Variants in PCDH15 observed in about 807,000 individuals in gnomAD.
PCDH15 encodes the protein protocadherin-15.
A neutral mutation model predicts 178.5 loss-of-function variants in PCDH15; 129 were observed. The ratio of observed to expected loss-of-function variants is 0.72; its 90% CI spans 0.63 to 0.84. The LOEUF is 0.84. Ranked by LOEUF, PCDH15 falls within the 40% of genes least tolerant of loss-of-function variation. The pLI is 0.00. For missense variants in PCDH15, 2,230 were observed against 2,099.9 expected, an observed-to-expected ratio of 1.06 and a Z score of -1.21; for synonymous variants, 800 against 732.0, an observed-to-expected ratio of 1.09 and a Z score of -1.50.
chr10:54,236,137 G>GAT (rs1192418348), intron 9 of PCDH15, among the ~76,000 whole-genome samples: 1 of 151,902 alleles, frequency 6.6e-6, no homozygotes, highest in African/African-American at 2.4e-5. Context: ...TCCCTTAAAA[G>GAT]ATATATAGCC....
At chr10:55,214,563 T>A (rs1840653051) in intron 1 of PCDH15, among the ~76,000 whole-genome samples, 1 of 151,984 alleles carries the variant, frequency 6.6e-6, no homozygotes, top group Non-Finnish European at 1.5e-5. Flanking sequence ...ATTCTTTTTT[T>A]TTTGTGGGAT....
chr10:54,695,820 G>C (rs1351612905), intron 1 of PCDH15, among the ~76,000 whole-genome samples: 4 of 151,742 alleles, frequency 2.6e-5, no homozygotes, highest in Non-Finnish European at 5.9e-5. Context: ...AGATAGATAT[G>C]AATATTAATT....
intron 2 of PCDH15, chr10:54,897,602 T>C (rs1360074795): frequency 6.6e-6 from 1 of 152,182 alleles, no homozygotes; most frequent in Non-Finnish European, 1.5e-5. Context: ...AACTACTAAG[T>C]ATTTCTTTAT....
At chr10:53,888,289 T>TATATATATATACAC (rs756987649) in intron 26 of PCDH15, among the ~76,000 whole-genome samples, 1 of 54,612 alleles carries the variant, frequency 1.8e-5, no homozygotes, top group African/African-American at 1.1e-4. Context: ...ACACTATATA[T>TATATATATATACAC]ACATATATAT....
chr10:55,233,164 A>T (rs962362467), intron 1 of PCDH15, among the ~76,000 whole-genome samples: 4 of 152,120 alleles, frequency 2.6e-5, no homozygotes, highest in Non-Finnish European at 5.9e-5. Flanking sequence ...TTAACTAAAA[A>T]TTGTTTTGAC....
At chr10:54,853,312 T>TACATACAC (rs1327737887) in intron 3 of PCDH15, among the ~76,000 whole-genome samples, 1 of 128,332 alleles carries the variant, frequency 7.8e-6, no homozygotes, top group Non-Finnish European at 1.6e-5. Flanking sequence ...TATATATATA[T>TACATACAC]ATATATACAT....
chr10:53,925,975 C>G (rs572755041), intron 25 of PCDH15, among the ~76,000 whole-genome samples: 5 of 152,252 alleles, frequency 3.3e-5, no homozygotes, highest in East Asian at 1.9e-4. Flanking sequence ...CAGTCTTGAA[C>G]ACCTTTGGAA....
chr10:54,757,444 G>A (rs1375032169), intron 1 of PCDH15, among the ~76,000 whole-genome samples: 4 of 88,262 alleles, frequency 4.5e-5, no homozygotes, highest in African/African-American at 2.1e-4. Flanking sequence ...CACCATGCCC[G>A]GCTAATTTTT....
At chr10:54,826,199 T>C (rs1436429396) in intron 3 of PCDH15, among the ~76,000 whole-genome samples, 6 of 152,056 alleles carry the variant, frequency 3.9e-5, no homozygotes, top group Non-Finnish European at 8.8e-5. Flanking sequence ...AAAAGCCTAA[T>C]TTTCTTATGA....
chr10:55,426,350 T>A (rs761961819), intron 2 of PCDH15, among the ~76,000 whole-genome samples: 1 of 152,098 alleles, frequency 6.6e-6, no homozygotes, highest in Non-Finnish European at 1.5e-5. Flanking sequence ...ATCTGGCTGC[T>A]CTGGTGCCGG....
chr10:53,888,416 C>G (rs2081303821), intron 26 of PCDH15, among the ~76,000 whole-genome samples: 1 of 139,260 alleles, frequency 7.2e-6, no homozygotes, highest in African/African-American at 2.6e-5. Context: ...ACAAATTTGT[C>G]TTACAAATTA....
In PCDH15 at chr10:54,574,680, G is replaced by A. The variant is rs1024010198; in HGVS notation, c.92-46803C>T. On this transcript the variant is annotated intron_variant, in intron 2 of 37. Transcript: ENST00000644397. ...TGCTGGAGAGGATGTGGAGAAATAG[G>A]AACACTTTTACACTGTTGGTGGGAC... Among the ~76,000 whole-genome samples the A allele has an allele frequency of 1.8e-3, 276 of 149,356 alleles. 1 individual carries two copies. The highest frequency in any genetic ancestry group is 6.7e-3 in the African/African-American group (271 of 40,598).
intron 4 of PCDH15, among the ~76,000 whole-genome samples, chr10:54,371,913 T>TC (rs1947734903): frequency 6.6e-6 from 1 of 151,812 alleles, no homozygotes; most frequent in African/African-American, 2.4e-5. Context: ...TAGAACAGAC[T>TC]ATTCTATAAA....
In PCDH15 at chr10:54,394,175, AT is replaced by A. The variant is rs368599392; in HGVS notation, c.158-15234del. ...TCTTAAGGCTGATGATGAGATAGAT[AT>A]TTTTTGCCATAAATTACATGAATCT... On this transcript the variant is annotated intron_variant, in intron 3 of 37. Transcript: ENST00000644397. Among the ~76,000 whole-genome samples the A allele has an allele frequency of 8.2e-4, 124 of 152,138 alleles. 1 individual carries two copies. Among genetic ancestry groups the A allele is most frequent in the African/African-American group, 2.7e-3 (112 of 41,520 alleles).
intron 2 of PCDH15, among the ~76,000 whole-genome samples, chr10:55,078,090 T>C (rs1411630882): frequency 6.6e-6 from 1 of 152,110 alleles, no homozygotes; most frequent in Non-Finnish European, 1.5e-5. Context: ...TTTTCTGGAG[T>C]TAGTATCCTT....
intron 2 of PCDH15, among the ~76,000 whole-genome samples, chr10:55,330,977 G>A (rs1247918472): frequency 1.3e-5 from 2 of 151,608 alleles, no homozygotes; most frequent in Middle Eastern, 3.4e-3. Context: ...ATGGAGCATC[G>A]CCACTCTCCT....
intron 16 of PCDH15, among the ~76,000 whole-genome samples, chr10:54,081,435 A>G (rs2094435719): frequency 1.3e-5 from 2 of 152,136 alleles, no homozygotes; most frequent in African/African-American, 2.4e-5. Context: ...CATTTTAAAC[A>G]CAAACAGCTA....
intron 2 of PCDH15, among the ~76,000 whole-genome samples, chr10:54,989,207 T>C (rs1839444804): frequency 6.6e-6 from 1 of 152,190 alleles, no homozygotes; most frequent in South Asian, 2.1e-4. Flanking sequence ...AGGCAGAAGT[T>C]TGCTGCAGGG....
intron 2 of PCDH15, among the ~76,000 whole-genome samples, chr10:55,117,314 T>G (rs1322845502): frequency 6.6e-6 from 1 of 152,172 alleles, no homozygotes; most frequent in Non-Finnish European, 1.5e-5. Context: ...CTGTATTCAT[T>G]AGAACCTGGC....
Sources: gnomAD v4.1 joint callset for allele counts (sites outside exome capture counted in the v4.1 genomes callset) on GRCh38, gnomAD v4.1.1 for gene constraint, MANE v1.5 for transcripts, NCBI Gene and HGNC (gene_info 2026-07-23, HGNC 2026-07-21) for gene names.